MCC: variants seen among roughly 807,000 people sequenced by gnomAD.
MCC encodes MCC regulator of Wnt signaling pathway, also known as colorectal mutant cancer protein.
MCC carries 90 observed loss-of-function variants against 116.2 expected under a neutral mutation model. That is an observed-to-expected ratio of 0.77 (90% CI 0.65 to 0.92). The LOEUF (loss-of-function observed/expected upper bound fraction) is 0.92. Ranked by LOEUF, MCC falls within the 40% of genes least tolerant of loss-of-function variation. The pLI is 0.00. For synonymous variants in MCC, 578 were observed against 510.5 expected (o/e 1.13, Z -1.78); for missense variants, 1,516 against 1,312.2 (o/e 1.16, Z -2.40).
At chr5:113,416,635 T>C (rs255874) in intron 1 of MCC, among the ~76,000 whole-genome samples, 95,606 of 152,006 alleles carry the variant, frequency 0.63, 32,751 homozygotes, top group African/African-American at 0.91. Context: ...TTAAAAGGGT[T>C]CATAAGAAAC....
intron 3 of MCC, among the ~76,000 whole-genome samples, chr5:113,215,720 G>T (rs1283978011): frequency 6.6e-6 from 1 of 152,146 alleles, no homozygotes; most frequent in East Asian, 1.9e-4. Context: ...CAATGATCTT[G>T]GACGTTCCCA....
intron 11 of MCC, among the ~76,000 whole-genome samples, chr5:113,077,905 G>A (rs913556289): frequency 3.6e-4 from 53 of 147,806 alleles, no homozygotes; most frequent in Middle Eastern, 3.5e-3. Flanking sequence ...TTGATAGACC[G>A]CTAGCAAGAC....
chr5:113,270,806 G>A (rs1215226885), intron 3 of MCC, among the ~76,000 whole-genome samples: 2 of 151,568 alleles, frequency 1.3e-5, no homozygotes, highest in African/African-American at 2.4e-5. Context: ...ATAGATCCGT[G>A]CTTTTTAAAT....
At chr5:113,256,945 G>T (rs1490173514) in intron 3 of MCC, among the ~76,000 whole-genome samples, 1 of 152,134 alleles carries the variant, frequency 6.6e-6, no homozygotes, top group Non-Finnish European at 1.5e-5. Context: ...GTTCTCCAAG[G>T]TGACTAATTT....
intron 3 of MCC, among the ~76,000 whole-genome samples, chr5:113,224,219 C>T (rs924117595): frequency 1.3e-4 from 20 of 152,132 alleles, no homozygotes; most frequent in Admixed American, 6.5e-4. Context: ...CTCAGCCTTC[C>T]GAGTAGTTGG....
At chr5:113,040,608 A>T (rs1751639937) in intron 17 of MCC, among the ~76,000 whole-genome samples, 1 of 152,214 alleles carries the variant, frequency 6.6e-6, no homozygotes. Context: ...AACCTCAGGA[A>T]TCATTTCATC....
At chr5:113,461,470 G>T (rs1476570812) in intron 1 of MCC, among the ~76,000 whole-genome samples, 15 of 151,980 alleles carry the variant, frequency 9.9e-5, no homozygotes, top group South Asian at 2.1e-4. Flanking sequence ...CATTGTATAT[G>T]CCACAACTCT....
intron 6 of MCC, among the ~76,000 whole-genome samples, chr5:113,121,684 A>C (rs567568334): frequency 1.3e-4 from 20 of 152,198 alleles, no homozygotes; most frequent in Non-Finnish European, 2.8e-4. Flanking sequence ...ATATTTGATT[A>C]AAATCCCTCT....
At chr5:113,456,139 T>C (rs1276294010) in intron 1 of MCC, among the ~76,000 whole-genome samples, 2 of 152,168 alleles carry the variant, frequency 1.3e-5, no homozygotes, top group African/African-American at 2.4e-5. Context: ...GAGCCCCTGA[T>C]CTTAACTCCC....
rs1750363859 is a variant in MCC at position 113,024,142 on chromosome 5, G to A, written c.*3160C>T. 2.0e-5 allele frequency: 3 copies of A among 151,754 alleles called. No homozygotes were observed. The highest frequency in any genetic ancestry group is 2.0e-4 in the Admixed American group (3 of 15,278). 9.4% of individuals were successfully genotyped at this position (151,754 alleles called of 1,614,324 possible). On this transcript the variant is annotated 3_prime_UTR_variant, in exon 19 of 19. Transcript: ENST00000408903. Reference sequence around the variant, plus strand: ...AATGTCAAGGCTCTGACTTAGAAGAGGTCCCTCTAAAATATTGCTGCAGGC... The same window carrying A: ...AATGTCAAGGCTCTGACTTAGAAGAAGTCCCTCTAAAATATTGCTGCAGGC...
chr5:113,295,059 G>T, intron 3 of MCC: 1 of 525,412 alleles, frequency 1.9e-6, no homozygotes, highest in Non-Finnish European at 2.4e-6. Flanking sequence ...AGGAGACCGT[G>T]CTGGGAGAGC....
chr5:113,389,698 CA>C (rs1561548216), intron 1 of MCC, among the ~76,000 whole-genome samples: 1 of 152,164 alleles, frequency 6.6e-6, no homozygotes, highest in Non-Finnish European at 1.5e-5. Flanking sequence ...GATGCTACGT[CA>C]ATTCCCTTTG....
chr5:113,047,535 G>A (rs1011232036), intron 16 of MCC, among the ~76,000 whole-genome samples: 1 of 152,184 alleles, frequency 6.6e-6, no homozygotes, highest in Non-Finnish European at 1.5e-5. Flanking sequence ...ACTGTCACAT[G>A]ACATCAGTAC....
Position 113,026,409 on chromosome 5 carries a change from A to ATTATGTAG in MCC, c.*885_*892dup. 1 of 152,412 alleles carries ATTATGTAG rather than the reference A, an allele frequency of 6.6e-6. No individual in the cohort carries two copies. The highest frequency in any genetic ancestry group is 3.4e-3 in the Middle Eastern group (1 of 296). 9.4% of individuals were successfully genotyped at this position (152,412 alleles called of 1,614,324 possible). ...AGAGATTTGATTCAGCAGAACAGCA[A>ATTATGTAG]TTATGTAGTGCCCTGGGGCGGGAAG... On this transcript the variant is annotated 3_prime_UTR_variant, in exon 19 of 19. Transcript: ENST00000408903.
intron 1 of MCC, chr5:113,432,658 T>A (rs183690777): frequency 6.6e-6 from 1 of 152,350 alleles, no homozygotes; most frequent in Admixed American, 6.5e-5. Flanking sequence ...TCTATAGAAA[T>A]CAAAAGTTCA....
chr5:113,278,113 A>C (rs1040941654), intron 3 of MCC, among the ~76,000 whole-genome samples: 1 of 152,126 alleles, frequency 6.6e-6, no homozygotes, highest in Admixed American at 6.6e-5. Flanking sequence ...AGCCATGACA[A>C]CATGGTCTGA....
chr5:113,164,713 A>G (rs11241195), intron 3 of MCC, among the ~76,000 whole-genome samples: 35,559 of 152,174 alleles, frequency 0.23, 4,236 homozygotes, highest in Middle Eastern at 0.27. Flanking sequence ...GACCTGTCAC[A>G]TTTACCACGG....
At chr5:113,232,727 A>G (rs1457892862) in intron 3 of MCC, among the ~76,000 whole-genome samples, 3 of 152,198 alleles carry the variant, frequency 2.0e-5, no homozygotes, top group African/African-American at 7.2e-5. Context: ...TATAATTAAT[A>G]TAATATTTAT....
chr5:113,388,254 G>GT (rs1319549651), intron 1 of MCC, among the ~76,000 whole-genome samples: 2 of 152,208 alleles, frequency 1.3e-5, no homozygotes, highest in Non-Finnish European at 2.9e-5. Flanking sequence ...AAGTCAAATT[G>GT]TAAGTTTTAA....
Sources: allele counts gnomAD v4.1 joint callset (sites outside exome capture counted in the v4.1 genomes callset), GRCh38; gene constraint gnomAD v4.1.1; transcripts MANE v1.5; gene names NCBI Gene and HGNC (gene_info 2026-07-23, HGNC 2026-07-21).